The following BRCA2 variants were observed in gnomAD, a reference collection of about 807,000 sequenced individuals.
BRCA2 encodes BRCA2 DNA repair associated, also known as breast cancer type 2 susceptibility protein.
A neutral mutation model predicts 276.7 loss-of-function variants in BRCA2; 203 were observed. The ratio of observed to expected loss-of-function variants is 0.73; its 90% confidence interval spans 0.65 to 0.82. BRCA2 has a LOEUF of 0.82. Ranked by LOEUF, BRCA2 falls within the 40% of genes least tolerant of loss-of-function variation. The pLI is 0.00. For missense variants in BRCA2, 3,920 were observed against 3,915.0 expected (o/e 1.00, Z -0.03); for synonymous variants, 1,289 against 1,338.4 (o/e 0.96, Z 0.81).
intron 3 of BRCA2, among the ~76,000 whole-genome samples, chr13:32,321,623 T>G (rs564548446): frequency 6.6e-6 from 1 of 152,340 alleles, no homozygotes; most frequent in South Asian, 2.1e-4. Context: ...CTGTAATACA[T>G]AAATCTGCTG....
chr13:32,353,596 A>G (rs2072667038), intron 13 of BRCA2, among the ~76,000 whole-genome samples: 1 of 152,124 alleles, frequency 6.6e-6, no homozygotes, highest in Admixed American at 6.5e-5. Context: ...CAATCGACAT[A>G]TTTGTTTGTC....
At chr13:32,346,756 G>C in intron 12 of BRCA2, 71 bp from the exon 13 acceptor site, 1 of 1,254,014 alleles carries the variant, frequency 8.0e-7, no homozygotes. Context: ...CAAATTTTTT[G>C]TGTATTTACA....
rs11571824 is a variant in BRCA2, at chr13:32,397,148, AT to A, written c.9648+106del. The A allele has an allele frequency of 1.4e-3, 1,851 of 1,317,594 alleles. 23 individuals carry two copies. In the African/African-American group the frequency reaches 0.024, roughly 17 times the overall value. The allele number at this position is 1,317,594 out of a possible 1,614,324, so 81.6% of individuals were successfully genotyped here. On this transcript the variant is annotated intron_variant, in intron 26 of 26. Coordinates refer to ENST00000380152, the MANE Select transcript of BRCA2 (RefSeq NM_000059.4). ...ACATGGTAAAATGTAATTAAACTTA[AT>A]TAGAAAATGTGGTTGTTATGTGGCT...
At position 32,364,398 on chromosome 13, in the gene BRCA2, T is replaced by C. The variant is rs902828589; in HGVS notation, c.8331+865T>C. Among the ~76,000 whole-genome samples, 3 of 152,336 alleles carry C rather than the reference T, an allele frequency of 2.0e-5. No individual in the cohort carries two copies. In the East Asian group the frequency reaches 5.8e-4, roughly 29 times the overall value. On this transcript the variant is annotated intron_variant, in intron 18 of 26. Coordinates refer to ENST00000380152, the MANE Select transcript of BRCA2 (RefSeq NM_000059.4). Reference sequence around the variant, plus strand: ...GTCTGTTTGACTATTTTTTAGCTTGTACTGCTGTCTTCTTTCTCTCTTCAG... The same window carrying C: ...GTCTGTTTGACTATTTTTTAGCTTGCACTGCTGTCTTCTTTCTCTCTTCAG...
chr13:32,380,925 C>T (rs2072920923), intron 24 of BRCA2, among the ~76,000 whole-genome samples: 1 of 152,088 alleles, frequency 6.6e-6, no homozygotes, highest in Non-Finnish European at 1.5e-5. Flanking sequence ...GAATTTTCTT[C>T]TATTTGTTGA....
intron 17 of BRCA2, among the ~76,000 whole-genome samples, 183 bp from the exon 18 acceptor site, chr13:32,362,995 TG>T (rs2072751692): frequency 6.6e-6 from 1 of 152,242 alleles, no homozygotes; most frequent in Non-Finnish European, 1.5e-5. Flanking sequence ...TTTTATTTTT[TG>T]CTTTTTAAAA....
chr13:32,364,081 T>C (rs1276462805), intron 18 of BRCA2, among the ~76,000 whole-genome samples: 1 of 152,204 alleles, frequency 6.6e-6, no homozygotes, highest in Non-Finnish European at 1.5e-5. Flanking sequence ...GTTTTATAAA[T>C]TAAACATTTT....
In BRCA2 at chr13:32,339,159, A is replaced by T. The variant is rs1566231167; in HGVS notation, c.4804A>T (p.Lys1602Ter). The change falls in exon 11 of 27, where the codon AAA becomes TAA. Residue 1602 changes from lysine (K) to a stop codon, truncating the protein, a stop_gained. Transcript: ENST00000380152. LOFTEE classifies it high-confidence loss of function. ...KEMQNSLNND[K>*]NLVSIETVVP... is the part of the protein sequence containing the mutation. The stretch of plus-strand genomic sequence containing the variant: ...AATGCAGAATTCTCTCAATAATGAT[A>T]AAAACCTTGTTTCTATTGAGACTGT... 6.2e-7 allele frequency: 1 copy of T among 1,614,008 alleles called. No individual in the cohort carries two copies. The highest frequency in any genetic ancestry group is 1.1e-5 in the South Asian group (1 of 91,082).
chr13:32,342,534 T>C (rs982439960), intron 11 of BRCA2, among the ~76,000 whole-genome samples: 2 of 152,158 alleles, frequency 1.3e-5, no homozygotes, highest in Non-Finnish European at 2.9e-5. Context: ...GAGAAATAGA[T>C]TGTTAGATTT....
chr13:32,375,717 C>T (rs1389666964), intron 20 of BRCA2, among the ~76,000 whole-genome samples: 1 of 152,020 alleles, frequency 6.6e-6, no homozygotes, highest in African/African-American at 2.4e-5. Context: ...TGTGCCACCA[C>T]GCCCGGCTAA....
rs397507364 is a variant in BRCA2, at chr13:32,340,543, G to A, written c.6188G>A (p.Gly2063Glu). 1.2e-6 allele frequency: 2 copies of A among 1,612,870 alleles called. No individual in the cohort carries two copies. Among genetic ancestry groups the A allele is most frequent in the African/African-American group, 1.3e-5 (1 of 74,856 alleles). The stretch of plus-strand genomic sequence containing the variant: ...TTCTCTGGATTTAGTACAGCAAGTG[G>A]AAAGCAAGTTTCCATTTTAGAAAGT... ...SAFSGFSTAS[G>E]KQVSILESSL... The change falls in exon 11 of 27, where the codon GGA (glycine) becomes GAA (glutamate). Residue 2063 changes from glycine (G) to glutamate (E), a missense_variant. Gly to Glu is a moderately conservative substitution (Grantham distance 98, BLOSUM62 -2). Around this residue, in one of 2 missense-constraint regions of BRCA2, gnomAD observed 3,263 missense variants for 3,156.9 expected, o/e 1.03. Coordinates refer to ENST00000380152, the MANE Select transcript of BRCA2 (RefSeq NM_000059.4).
chr13:32,372,408 C>T (rs369212386), intron 20 of BRCA2, among the ~76,000 whole-genome samples: 63 of 152,248 alleles, frequency 4.1e-4, no homozygotes, highest in African/African-American at 1.4e-3. Flanking sequence ...CTTACAGTTC[C>T]ACATGGCTGA....
chr13:32,320,982 T>G (rs1486716243), intron 3 of BRCA2, among the ~76,000 whole-genome samples: 1 of 152,182 alleles, frequency 6.6e-6, no homozygotes, highest in African/African-American at 2.4e-5. Flanking sequence ...ACTACCTGAA[T>G]GATCCCTATA....
rs80359103 is a variant in BRCA2, at chr13:32,370,986, A to G, written c.8518A>G (p.Ile2840Val). 14 of 1,614,030 alleles carry G rather than the reference A, an allele frequency of 8.7e-6. No homozygotes were observed. The highest frequency in any genetic ancestry group is 2.2e-5 in the East Asian group (1 of 44,884). Residue 2840 changes from isoleucine (I) to valine (V), a missense_variant, in exon 20 of 27, where the codon ATA becomes GTA. Transcript: ENST00000380152. The stretch of plus-strand genomic sequence containing the variant: ...GGAGAAGACATCATCTGGATTATAC[A>G]TATTTCGCAATGAAAGAGAGGAAGA... ...WMEKTSSGLY[I>V]FRNEREEEKE...
At chr13:32,387,256 G>C (rs2072966845) in intron 24 of BRCA2, among the ~76,000 whole-genome samples, 1 of 152,148 alleles carries the variant, frequency 6.6e-6, no homozygotes, top group African/African-American at 2.4e-5. Flanking sequence ...ATACAAATTA[G>C]ATATAGAGAT....
rs1383828273 is a variant in BRCA2, at chr13:32,337,505, C to G, written c.3150C>G (p.Thr1050=). ...TSLACVEIVN[T]LALDNQKKLS... is the part of the protein sequence containing the mutation. The stretch of plus-strand genomic sequence containing the variant: ...TAGCTTGTGTTGAAATTGTAAATAC[C>G]TTGGCATTAGATAATCAAAAGAAAC... The change falls in exon 11 of 27, where the codon ACC becomes ACG. Residue 1050 remains threonine (T), a synonymous_variant. Transcript: ENST00000380152. 1.2e-6 allele frequency: 2 copies of G among 1,607,764 alleles called. No homozygotes were observed. Among genetic ancestry groups the G allele is most frequent in the Admixed American group, 1.7e-5 (1 of 59,102 alleles).
At chr13:32,394,516 A>G (rs956876863) in intron 24 of BRCA2, among the ~76,000 whole-genome samples, 173 bp from the exon 25 acceptor site, 2 of 152,236 alleles carry the variant, frequency 1.3e-5, no homozygotes, top group African/African-American at 4.8e-5. Context: ...TTAGCACTGT[A>G]AGCAACAGGT....
At position 32,398,543 on chromosome 13, in the gene BRCA2, C is replaced by G. The variant is rs377155248; in HGVS notation, c.10030C>G (p.Leu3344Val). The change falls in exon 27 of 27, where the codon CTT becomes GTT. Residue 3344 changes from leucine (L) to valine (V), a missense_variant. Physicochemically the swap from Leu to Val is conservative, Grantham distance 32. Transcript: ENST00000380152. The stretch of plus-strand genomic sequence containing the variant: ...AAGTAATTCAATAGCTGACGAAGAA[C>G]TTGCATTGATAAATACCCAAGCTCT... ...LESNSIADEELALINTQALLS... is the reference protein window; with the variant it reads ...LESNSIADEEVALINTQALLS... 6.2e-7 allele frequency: 1 copy of G among 1,614,138 alleles called. No homozygotes were observed. The highest frequency in any genetic ancestry group is 8.5e-7 in the Non-Finnish European group (1 of 1,180,016).
rs1566261458 is a variant in BRCA2 at position 32,398,656 on chromosome 13, A to G, written c.10143A>G (p.Arg3381=). The G allele has an allele frequency of 1.2e-6, 2 of 1,614,202 alleles. No individual in the cohort carries two copies. Among genetic ancestry groups the G allele is most frequent in the South Asian group, 1.1e-5 (1 of 91,080 alleles). The change falls in exon 27 of 27, where the codon AGA becomes AGG. Residue 3381 remains arginine (R), a synonymous_variant. Transcript: ENST00000380152. ...TAPTSSEDYL[R]LKRRCTTSLI... is the part of the protein sequence containing the mutation. ...CCACCAGTTCAGAAGATTATCTCAG[A>G]CTGAAACGACGTTGTACTACATCTC...
Sources: gnomAD v4.1 joint callset for allele counts (sites outside exome capture counted in the v4.1 genomes callset) on GRCh38, gnomAD v4.1.1 for gene constraint, gnomAD v4.1.1 regional missense constraint, MANE v1.5 for transcripts, NCBI Gene and HGNC (gene_info 2026-07-23, HGNC 2026-07-21) for gene names.